The following FERMT3 variants were observed in gnomAD, a reference collection of about 807,000 sequenced individuals.
The protein encoded by FERMT3 is FERM domain containing kindlin 3.
FERMT3 carries 33 observed loss-of-function variants against 80.8 expected under a neutral mutation model. That is an observed-to-expected ratio of 0.41 (90% CI 0.31 to 0.55). FERMT3 has a LOEUF of 0.55. FERMT3 is among the 20% of genes least tolerant of loss of function. The pLI, the probability that FERMT3 is intolerant of heterozygous loss-of-function variation, is 0.31. For synonymous variants in FERMT3, 375 were observed against 372.2 expected, an observed-to-expected ratio of 1.01 and a Z score of -0.09; for missense variants, 754 against 908.7, an observed-to-expected ratio of 0.83 and a Z score of 2.19.
chr11:64,216,226 T>G (rs1438688220), intron 6 of FERMT3, among the ~76,000 whole-genome samples: 7 of 145,580 alleles, frequency 4.8e-5, no homozygotes, highest in East Asian at 2.1e-4. Context: ...AGATGGAGTC[T>G]TCTTCTGTCA....
chr11:64,222,487 C>T (rs951443333), intron 13 of FERMT3, among the ~76,000 whole-genome samples: 6 of 149,744 alleles, frequency 4.0e-5, no homozygotes, highest in African/African-American at 1.2e-4. Flanking sequence ...ATCACTTGAA[C>T]CCGGGAGGCG....
rs2134845573 is a variant in FERMT3 at position 64,211,330 on chromosome 11, G to C, written c.570G>C (p.Gln190His). ...CAGCTCACTTCTCGGACAGCGCCCA[G>C]ACTGAGGCCTGCTACCACATGCTGA... ...GMPAHFSDSAQTEACYHMLSR... is the reference protein window; with the variant it reads ...GMPAHFSDSAHTEACYHMLSR... Residue 190 changes from glutamine (Q) to histidine (H), a missense_variant, in exon 5 of 15, where the codon CAG (glutamine) becomes CAC (histidine). By Grantham distance (24) the Gln-to-His change is conservative (BLOSUM62 0). Coordinates refer to ENST00000345728, the MANE Select transcript of FERMT3 (RefSeq NM_031471.6). This position sits in a 1 kb window ranked among gnomAD's most constrained non-coding sequence, Gnocchi z 4.7. 1 of 1,613,232 alleles carries C rather than the reference G, an allele frequency of 6.2e-7. No individual in the cohort carries two copies.
chr11:64,222,299 G>A (rs1268240956), intron 13 of FERMT3, among the ~76,000 whole-genome samples: 3 of 150,326 alleles, frequency 2.0e-5, no homozygotes, highest in Non-Finnish European at 3.0e-5. Flanking sequence ...CTGCGCGATG[G>A]CTCATGCCTG....
At chr11:64,208,655 G>A (rs1946370795) in intron 2 of FERMT3, among the ~76,000 whole-genome samples, 1 of 152,212 alleles carries the variant, frequency 6.6e-6, no homozygotes, top group Non-Finnish European at 1.5e-5. Context: ...GCCAGAGGAG[G>A]GGGCTGCCCC....
rs1011187061 is a variant in FERMT3 at position 64,210,405 on chromosome 11, C to T, written c.161-206C>T. On this transcript the variant is annotated intron_variant, in intron 2 of 14. Transcript: ENST00000345728. The surrounding 1 kb of genome is among the most constrained non-coding windows in gnomAD (Gnocchi z 4.3). The stretch of plus-strand genomic sequence containing the variant: ...CCTGGGAAGCGATATAGAAGCCAAG[C>T]CTAGAAGGCCAAATCAGGGGCTGCC... Among the ~76,000 whole-genome samples, 5 of 152,212 alleles carry T rather than the reference C, an allele frequency of 3.3e-5. No individual in the cohort carries two copies. Among genetic ancestry groups the T allele is most frequent in the Admixed American group, 6.5e-5 (1 of 15,288 alleles).
At chr11:64,220,080 T>C in intron 10 of FERMT3, 65 bp downstream of exon 10, 3 of 1,594,664 alleles carry the variant, frequency 1.9e-6, no homozygotes, top group Non-Finnish European at 2.6e-6. Flanking sequence ...AGGTGAATGC[T>C]CTCACCGGCC....
Position 64,220,244 on chromosome 11 carries a change from A to C in FERMT3, c.1229A>C (p.Asn410Thr). The C allele has an allele frequency of 6.2e-7, 1 of 1,613,782 alleles. No homozygotes were observed. The highest frequency in any genetic ancestry group is 8.5e-7 in the Non-Finnish European group (1 of 1,179,980). ...GGCTGTGAGGTGGTTCCCGATGTTAACGTCTCCGGCCAGAAGTTCTGCATT... is the reference window on the plus strand; with the variant it reads ...GGCTGTGAGGTGGTTCCCGATGTTACCGTCTCCGGCCAGAAGTTCTGCATT... ...LKGCEVVPDV[N>T]VSGQKFCIKL... Residue 410 changes from asparagine (N) to threonine (T), a missense_variant, in exon 11 of 15, where the codon AAC (asparagine) becomes ACC (threonine). Transcript: ENST00000345728.
At position 64,220,611 on chromosome 11, in the gene FERMT3, G is replaced by C; in HGVS notation, c.1487G>C (p.Gly496Ala). The C allele has an allele frequency of 6.2e-7, 1 of 1,611,338 alleles. No homozygotes were observed. Among genetic ancestry groups the C allele is most frequent in the Non-Finnish European group, 8.5e-7 (1 of 1,179,236 alleles). The part of the protein sequence containing the change: ...HPHGPDASAE[G>A]LNPYGLVAPR... ...CACGGCCCTGATGCCTCTGCCGAGG[G>C]CCTCAACCCCTACGGCCTCGTTGCC... Residue 496 changes from glycine (G) to alanine (A), a missense_variant, in exon 12 of 15, where the codon GGC becomes GCC. Gly to Ala is a moderately conservative substitution (Grantham distance 60). Transcript: ENST00000345728.
intron 2 of FERMT3, chr11:64,207,810 G>T: frequency 2.7e-6 from 1 of 367,882 alleles, no homozygotes. Context: ...GTCTTGTCTG[G>T]GCCGAGGCTG....
At chr11:64,207,653 T>A in intron 2 of FERMT3, 129 bp downstream of exon 2, 1 of 1,173,668 alleles carries the variant, frequency 8.5e-7, no homozygotes, top group Non-Finnish European at 1.2e-6. Flanking sequence ...AGGCATTAGC[T>A]TAATCATTTG....
Position 64,207,474 on chromosome 11 carries a change from C to G in FERMT3, c.110C>G (p.Thr37Ser). The change falls in exon 2 of 15, where the codon ACT becomes AGT. Residue 37 changes from threonine (T) to serine (S), a missense_variant. Thr to Ser is a moderately conservative substitution (Grantham distance 58, BLOSUM62 1). Coordinates refer to ENST00000345728, the MANE Select transcript of FERMT3 (RefSeq NM_031471.6). ...PEAESVTLRV[T>S]GESHIGGVLL... ...GCCGAGTCGGTCACCCTGCGGGTCA[C>G]TGGGGAGTCGCACATCGGCGGGGTG... The G allele has an allele frequency of 6.2e-7, 1 of 1,613,944 alleles. No individual in the cohort carries two copies. The highest frequency in any genetic ancestry group is 8.5e-7 in the Non-Finnish European group (1 of 1,179,906).
chr11:64,220,145 G>A (rs1170942002), intron 10 of FERMT3, 75 bp from the exon 11 acceptor site: 18 of 1,570,800 alleles, frequency 1.1e-5, no homozygotes, highest in Admixed American at 5.0e-5. Flanking sequence ...TGACGGTGTG[G>A]GCTAGGATGC....
At chr11:64,215,992 C>T (rs1320508349) in intron 6 of FERMT3, among the ~76,000 whole-genome samples, 1 of 151,754 alleles carries the variant, frequency 6.6e-6, no homozygotes, top group African/African-American at 2.4e-5. Context: ...CCACCACACC[C>T]AACTAATTTT....
chr11:64,223,010 G>A, intron 13 of FERMT3, 38 bp from the exon 14 acceptor site: 1 of 1,612,678 alleles, frequency 6.2e-7, no homozygotes, highest in Non-Finnish European at 8.5e-7. Context: ...GGCCATGCAG[G>A]GTGGAGCCCT....
At chr11:64,220,874 C>A in intron 12 of FERMT3, 142 bp from the exon 13 acceptor site, 1 of 1,481,966 alleles carries the variant, frequency 6.7e-7, no homozygotes, top group Admixed American at 1.8e-5. Flanking sequence ...TGGCGCAGTG[C>A]AGATCTGCAC....
intron 1 of FERMT3, among the ~76,000 whole-genome samples, chr11:64,207,094 AC>A (rs1252573990): frequency 6.6e-6 from 1 of 151,570 alleles, no homozygotes; most frequent in Non-Finnish European, 1.5e-5. Context: ...GCCCCTTCTT[AC>A]CCGGCCTCAG....
Position 64,211,292 on chromosome 11 carries a change from T to G in FERMT3, c.532T>G (p.Phe178Val). 6.2e-7 allele frequency: 1 copy of G among 1,613,378 alleles called. No homozygotes were observed. Among genetic ancestry groups the G allele is most frequent in the Non-Finnish European group, 8.5e-7 (1 of 1,179,820 alleles). The change falls in exon 5 of 15, where the codon TTC (phenylalanine) becomes GTC (valine). Residue 178 changes from phenylalanine (F) to valine (V), a missense_variant. By Grantham distance (50) the Phe-to-Val change is conservative. Transcript: ENST00000345728. The surrounding 1 kb of genome is among the most constrained non-coding windows in gnomAD (Gnocchi z 4.7). ...CACTCCAGGCGTGGCACCTGCACTG[T>G]TCCGGGGGATGCCAGCTCACTTCTC... is the stretch of plus-strand genomic sequence containing the variant. ...VLAGGVAPAL[F>V]RGMPAHFSDS... is the part of the protein sequence containing the mutation.
At chr11:64,212,097 C>T (rs548678705) in intron 6 of FERMT3, among the ~76,000 whole-genome samples, 16 of 152,306 alleles carry the variant, frequency 1.1e-4, no homozygotes, top group Middle Eastern at 3.4e-3. Context: ...GTGGGAGAGG[C>T]CCAAGCCTGG....
In FERMT3 at chr11:64,219,274, G is replaced by A; in HGVS notation, c.810G>A (p.Gln270=). ...AGACAGACCCCGTGCGGCTGACACA[G>A]CTGTATGAGCAGGCCCGGTGGGACC... is the stretch of plus-strand genomic sequence containing the variant. ...DPKTDPVRLT[Q]LYEQARWDLL... Residue 270 remains glutamine (Q), a synonymous_variant, in exon 7 of 15, where the codon CAG becomes CAA. Transcript: ENST00000345728. The surrounding 1 kb of genome is among the most constrained non-coding windows in gnomAD (Gnocchi z 4.0). 6.2e-7 allele frequency: 1 copy of A among 1,605,246 alleles called. No individual in the cohort carries two copies. The highest frequency in any genetic ancestry group is 1.3e-5 in the African/African-American group (1 of 74,794).
Sources: allele counts gnomAD v4.1 joint callset (sites outside exome capture counted in the v4.1 genomes callset), GRCh38; gene constraint gnomAD v4.1.1; non-coding constraint Gnocchi (gnomAD v3.1); transcripts MANE v1.5; gene names NCBI Gene and HGNC (gene_info 2026-07-23, HGNC 2026-07-21).